The following ZNF148 variants were observed in gnomAD, a reference collection of about 807,000 sequenced individuals.
ZNF148 encodes Beta-Enolase Repressor Factor-1.
A neutral mutation model predicts 67.7 loss-of-function variants in ZNF148; 7 were observed. The observed-to-expected ratio is 0.10, with a 90% CI of 0.06 to 0.19. The LOEUF is 0.19. ZNF148 is among the 10% of genes least tolerant of loss of function. The pLI is 1.00. For synonymous variants in ZNF148, 333 were observed against 330.7 expected, an observed-to-expected ratio of 1.01 and a Z score of -0.08; for missense variants, 583 against 947.1, an observed-to-expected ratio of 0.62 and a Z score of 5.05.
At chr3:125,369,733 T>C (rs1321001566) in intron 1 of ZNF148, among the ~76,000 whole-genome samples, 1 of 152,180 alleles carries the variant, frequency 6.6e-6, no homozygotes, top group Admixed American at 6.5e-5. Flanking sequence ...AATACTACTT[T>C]GGGATGCCAA....
At chr3:125,298,346 T>TACACACACATACACACACACACAC (rs1553820636) in intron 4 of ZNF148, among the ~76,000 whole-genome samples, 2 of 145,654 alleles carry the variant, frequency 1.4e-5, no homozygotes, top group African/African-American at 5.2e-5. Flanking sequence ...TAAATGTGCA[T>TACACACACATACACACACACACAC]ACACACACAC....
At chr3:125,302,713 A>G (rs1180156810) in intron 4 of ZNF148, among the ~76,000 whole-genome samples, 2 of 152,220 alleles carry the variant, frequency 1.3e-5, no homozygotes. Flanking sequence ...AGAACACACA[A>G]TTGAGAAAAA....
intron 5 of ZNF148, among the ~76,000 whole-genome samples, chr3:125,286,975 A>G (rs905470691): frequency 6.6e-6 from 1 of 152,220 alleles, no homozygotes; most frequent in African/African-American, 2.4e-5. Flanking sequence ...CAGGAGGTAT[A>G]GAAACATTTG....
At chr3:125,276,771 G>A (rs950754775) in intron 7 of ZNF148, among the ~76,000 whole-genome samples, 3 of 152,016 alleles carry the variant, frequency 2.0e-5, no homozygotes, top group African/African-American at 7.2e-5. Context: ...GACACATTCA[G>A]GCTTCTTTTT....
rs886161058 is a variant in ZNF148, at chr3:125,226,422, A to C, written c.*5919T>G. On this transcript the variant is annotated 3_prime_UTR_variant, in exon 9 of 9. Coordinates refer to ENST00000360647, the MANE Select transcript of ZNF148 (RefSeq NM_021964.3). ...CAGCCAGTGTCCACATTTAAAATGCAGAATTTGCAAATATTAGTCTAATAA... is the reference window on the plus strand; with the variant it reads ...CAGCCAGTGTCCACATTTAAAATGCCGAATTTGCAAATATTAGTCTAATAA... 1 of 152,466 alleles carries C rather than the reference A, an allele frequency of 6.6e-6. No homozygotes were observed. Among genetic ancestry groups the C allele is most frequent in the African/African-American group, 2.4e-5 (1 of 41,478 alleles). The allele number at this position is 152,466 out of a possible 1,614,324, so 9.4% of individuals were successfully genotyped here. A position where few individuals can be genotyped will look rare whatever the true frequency, so the allele number is the denominator to read the frequency against.
At position 125,230,143 on chromosome 3, in the gene ZNF148, T is replaced by TA. The variant is rs779993371; in HGVS notation, c.*2197dup. ...ATTCTAAAAACTATGCTGGTGATGT[T>TA]AAAACAACCGAAAAAAACCTCTCCA... On this transcript the variant is annotated 3_prime_UTR_variant, in exon 9 of 9. Transcript: ENST00000360647. The TA allele has an allele frequency of 1.4e-4, 21 of 152,562 alleles. No homozygotes were observed. The highest frequency in any genetic ancestry group is 2.5e-4 in the Non-Finnish European group (17 of 67,994). The allele number at this position is 152,562 out of a possible 1,614,324, so 9.5% of individuals were successfully genotyped here. A position where few individuals can be genotyped will look rare whatever the true frequency, so the allele number is the denominator to read the frequency against.
At chr3:125,318,170 C>T (rs978017620) in intron 3 of ZNF148, among the ~76,000 whole-genome samples, 1 of 152,168 alleles carries the variant, frequency 6.6e-6, no homozygotes, top group Admixed American at 6.5e-5. Flanking sequence ...AGTCAAAGCT[C>T]TCATGTGCCT....
chr3:125,281,102 G>A (rs139388421), intron 5 of ZNF148, among the ~76,000 whole-genome samples: 1 of 152,314 alleles, frequency 6.6e-6, no homozygotes, highest in African/African-American at 2.4e-5. Context: ...TAATTATTAT[G>A]CAAATTATAC....
intron 1 of ZNF148, among the ~76,000 whole-genome samples, chr3:125,331,876 T>G (rs1244295911): frequency 6.6e-6 from 1 of 152,190 alleles, no homozygotes; most frequent in Non-Finnish European, 1.5e-5. Flanking sequence ...TTTATTCATG[T>G]AACTGGGATT....
intron 4 of ZNF148, chr3:125,292,366 T>G (rs936279409): frequency 7.9e-5 from 12 of 152,220 alleles, no homozygotes; most frequent in Non-Finnish European, 7.3e-5. Context: ...CCTATTACAT[T>G]TCTCACTATA....
intron 2 of ZNF148, among the ~76,000 whole-genome samples, chr3:125,327,738 T>G (rs1941091867): frequency 6.6e-6 from 1 of 152,156 alleles, no homozygotes; most frequent in Admixed American, 6.6e-5. Context: ...CCACAAACAT[T>G]TGGAAATTAA....
intron 7 of ZNF148, among the ~76,000 whole-genome samples, chr3:125,235,612 A>C (rs1010205285): frequency 2.0e-5 from 3 of 152,090 alleles, no homozygotes; most frequent in Non-Finnish European, 1.5e-5. Context: ...TCAACTCAAT[A>C]ATCATTGAGT....
intron 1 of ZNF148, among the ~76,000 whole-genome samples, chr3:125,343,522 GCACCAATCAGCGCTCTGTAAAACA>G (rs879944948): frequency 9.2e-5 from 9 of 97,500 alleles, no homozygotes; most frequent in Non-Finnish European, 1.5e-4. Context: ...ATTGTAAAAT[GCACCAATCAGCGCTCTGTAAAACA>G]CACCAATCAG....
rs1476165618 is a variant in ZNF148, at chr3:125,235,906, C to T, written c.668-1577G>A. Among the ~76,000 whole-genome samples the T allele has an allele frequency of 3.0e-5, 4 of 132,262 alleles. No individual in the cohort carries two copies. The East Asian group carries it at 6.6e-4, about 22-fold the overall frequency. The allele number at this position is 132,262 out of a possible 152,430, so 86.8% of individuals were successfully genotyped here. A position where few individuals can be genotyped will look rare whatever the true frequency, so the allele number is the denominator to read the frequency against. ...ATAGGTGGGAATTGAACAATGAGAA[C>T]ACCTGGACAGAGGAAGGGGAACATC... is the stretch of plus-strand genomic sequence containing the variant. On this transcript the variant is annotated intron_variant, in intron 7 of 8. Coordinates refer to ENST00000360647, the MANE Select transcript of ZNF148 (RefSeq NM_021964.3).
rs115606545 is a variant in ZNF148 at position 125,279,326 on chromosome 3, T to G, written c.460-79A>C. The G allele has an allele frequency of 9.6e-4, 1,131 of 1,181,914 alleles. 9 individuals are homozygous for G. The African/African-American group carries it at 0.016, about 17-fold the overall frequency. The allele number at this position is 1,181,914 out of a possible 1,614,324, so 73.2% of individuals were successfully genotyped here. Reference sequence around the variant, plus strand: ...TTAAATAGTAATTTTAAAAAAAAGATAATGCAAACAACGGTCACCACAGAT... The same window carrying G: ...TTAAATAGTAATTTTAAAAAAAAGAGAATGCAAACAACGGTCACCACAGAT... On this transcript the variant is annotated intron_variant, in intron 5 of 8. Coordinates refer to ENST00000360647, the MANE Select transcript of ZNF148 (RefSeq NM_021964.3).
intron 1 of ZNF148, among the ~76,000 whole-genome samples, chr3:125,353,717 A>T (rs1471490286): frequency 1.1e-4 from 16 of 151,868 alleles, no homozygotes; most frequent in Admixed American, 3.3e-4. Flanking sequence ...GGTCTCCCAT[A>T]GTGTAGGGAT....
At chr3:125,304,397 A>C (rs979366505) in intron 4 of ZNF148, among the ~76,000 whole-genome samples, 2 of 152,052 alleles carry the variant, frequency 1.3e-5, no homozygotes, top group African/African-American at 4.8e-5. Context: ...GTATCTAAGT[A>C]AGAGTGCCAT....
At chr3:125,332,419 TA>T (rs1483600089) in intron 1 of ZNF148, among the ~76,000 whole-genome samples, 1 of 152,196 alleles carries the variant, frequency 6.6e-6, no homozygotes, top group African/African-American at 2.4e-5. Context: ...AAAACTATAC[TA>T]CTGTTAGACA....
At chr3:125,255,556 C>A (rs146071966) in intron 7 of ZNF148, among the ~76,000 whole-genome samples, 1 of 152,004 alleles carries the variant, frequency 6.6e-6, no homozygotes, top group Non-Finnish European at 1.5e-5. Context: ...CCACTCTTGA[C>A]TACATTTCCA....
Sources: gnomAD v4.1 joint callset for allele counts (sites outside exome capture counted in the v4.1 genomes callset) on GRCh38, gnomAD v4.1.1 for gene constraint, MANE v1.5 for transcripts, NCBI Gene and HGNC (gene_info 2026-07-23, HGNC 2026-07-21) for gene names.